VGF: variants seen among roughly 807,000 people sequenced by gnomAD.
VGF encodes the protein VGF nerve growth factor inducible.
VGF carries 13 observed loss-of-function variants against 41.1 expected under a neutral mutation model. The ratio of observed to expected loss-of-function variants is 0.32; its 90% CI spans 0.21 to 0.50. VGF has a LOEUF of 0.50. Among genes scored for constraint, VGF ranks in the 20% least tolerant of loss-of-function variants. The pLI is 0.98. For missense variants in VGF, 920 were observed against 882.1 expected (o/e 1.04, Z -0.54); for synonymous variants, 473 against 418.3 (o/e 1.13, Z -1.60).
At chr7:101,168,168 C>A (rs566330462), upstream of VGF, among the ~76,000 whole-genome samples, 5 of 152,214 alleles carry the variant, frequency 3.3e-5, no homozygotes, top group East Asian at 9.7e-4. Flanking sequence ...CACATGCCCC[C>A]ACTCCACATC....
At position 101,164,005 on chromosome 7, in the gene VGF, C is replaced by T; in HGVS notation, c.839G>A (p.Arg280His). Residue 280 changes from arginine to histidine, a missense_variant, in exon 2 of 2, where the codon CGC (arginine) becomes CAC (histidine). This residue lies in a region of VGF where 654 missense variants were observed against 638.4 expected (regional missense o/e 1.02). Coordinates refer to ENST00000249330, the MANE Select transcript of VGF (RefSeq NM_003378.4). ...GCCCAGGAGTGCGCTCTCCGGCCGG[C>T]GCGCCTTGGGGAACGGGGCGGCCAC... ...QGVAAPFPKA[R>H]RPESALLGGS... The T allele has an allele frequency of 2.7e-6, 4 of 1,470,686 alleles. No homozygotes were observed. Among genetic ancestry groups the T allele is most frequent in the Non-Finnish European group, 3.6e-6 (4 of 1,124,548 alleles). 91.1% of individuals were successfully genotyped at this position (1,470,686 alleles called of 1,614,324 possible).
At chr7:101,166,803 G>A (rs1473945976), upstream of VGF, among the ~76,000 whole-genome samples, 1 of 138,774 alleles carries the variant, frequency 7.2e-6, no homozygotes, top group Non-Finnish European at 1.6e-5. Context: ...ATGGGGAGGG[G>A]GCAGGGGAGA....
rs1279415774 is a variant in VGF at position 101,163,880 on chromosome 7, C to T, written c.964G>A (p.Glu322Lys). 1.3e-6 allele frequency: 2 copies of T among 1,491,894 alleles called. No homozygotes were observed. Among genetic ancestry groups the T allele is most frequent in the South Asian group, 1.3e-5 (1 of 78,338 alleles). The allele number at this position is 1,491,894 out of a possible 1,614,324, so 92.4% of individuals were successfully genotyped here. ...EATRQAAAQE[E>K]RLADLASDLL... is the part of the protein sequence containing the mutation. ...TCCGAGGCGAGGTCGGCCAGCCGCTCTTCCTGCGCCGCGGCCTGCCGCGTG... is the reference window on the plus strand; with the variant it reads ...TCCGAGGCGAGGTCGGCCAGCCGCTTTTCCTGCGCCGCGGCCTGCCGCGTG... Residue 322 changes from glutamate to lysine, a missense_variant, in exon 2 of 2, where the codon GAG becomes AAG. Coordinates refer to ENST00000249330, the MANE Select transcript of VGF (RefSeq NM_003378.4). The surrounding 1 kb of genome is among the most constrained non-coding windows in gnomAD (Gnocchi z 5.0).
At chr7:101,166,852 A>G (rs866538492), upstream of VGF, among the ~76,000 whole-genome samples, 802 of 88,638 alleles carry the variant, frequency 9.0e-3, 12 homozygotes, top group African/African-American at 0.034. Flanking sequence ...GCAGGAATGA[A>G]GGGGAGGGAG....
Position 101,163,527 on chromosome 7 carries a change from C to G in VGF, c.1317G>C (p.Gly439=). 1 of 1,608,968 alleles carries G rather than the reference C, an allele frequency of 6.2e-7. No individual in the cohort carries two copies. The highest frequency in any genetic ancestry group is 8.5e-7 in the Non-Finnish European group (1 of 1,177,918). ...CCATCTCCTCGTCGTCCTCCTCCTCCCCGCCCTCCTCTGTCCCCTCGGCCT... is the reference window on the plus strand; with the variant it reads ...CCATCTCCTCGTCGTCCTCCTCCTCGCCGCCCTCCTCTGTCCCCTCGGCCT... ...RKEAEGTEEG[G]EEEDDEEMDP... is the part of the protein sequence containing the mutation. Residue 439 remains glycine (G), a synonymous_variant, in exon 2 of 2, where the codon GGG becomes GGC. Coordinates refer to ENST00000249330, the MANE Select transcript of VGF (RefSeq NM_003378.4). The surrounding 1 kb of genome is among the most constrained non-coding windows in gnomAD (Gnocchi z 5.0).
chr7:101,164,228 A>G lies in VGF; in HGVS notation c.616T>C (p.Trp206Arg). The change falls in exon 2 of 2, where the codon TGG (tryptophan) becomes CGG (arginine). Residue 206 changes from tryptophan to arginine, a missense_variant. Trp to Arg is a moderately radical substitution (Grantham distance 101). Transcript: ENST00000249330. ...TGGAACTCTCCCCAGGAAGCGCGCC[A>G]TACGCGCTCTGGCCCCGGGCTCTCC... ...NLESPGPERV[W>R]RASWGEFQAR... 1 of 1,575,836 alleles carries G rather than the reference A, an allele frequency of 6.3e-7. No homozygotes were observed. The highest frequency in any genetic ancestry group is 8.6e-7 in the Non-Finnish European group (1 of 1,163,372).
In VGF at chr7:101,164,019, C is replaced by T. The variant is rs371811879; in HGVS notation, c.825G>A (p.Pro275=). The change falls in exon 2 of 2, where the codon CCG becomes CCA. Residue 275 remains proline, a synonymous_variant. Coordinates refer to ENST00000249330, the MANE Select transcript of VGF (RefSeq NM_003378.4). The part of the protein sequence containing the change: ...LSKAYQGVAA[P]FPKARRPESA... ...TCTCCGGCCGGCGCGCCTTGGGGAA[C>T]GGGGCGGCCACGCCTTGGTACGCCT... The T allele has an allele frequency of 9.5e-6, 14 of 1,478,496 alleles. No individual in the cohort carries two copies. Among genetic ancestry groups the T allele is most frequent in the Non-Finnish European group, 1.1e-5 (12 of 1,127,688 alleles). The allele number at this position is 1,478,496 out of a possible 1,614,324, so 91.6% of individuals were successfully genotyped here.
Position 101,164,333 on chromosome 7 carries a change from G to A in VGF, c.511C>T (p.Pro171Ser), listed in dbSNP as rs751597749. The change falls in exon 2 of 2, where the codon CCA becomes TCA. Residue 171 changes from proline (P) to serine (S), a missense_variant. By Grantham distance (74) the Pro-to-Ser change is moderately conservative. Transcript: ENST00000249330. The part of the protein sequence containing the change: ...SLLQELRDFS[P>S]SSAKRQQETA... ...TCCTGCTGGCGCTTGGCGCTACTTG[G>A]ACTGAAATCTCGCAGTTCCTGGAGC... 3.1e-6 allele frequency: 5 copies of A among 1,611,672 alleles called. No homozygotes were observed. The highest frequency in any genetic ancestry group is 2.2e-5 in the South Asian group (2 of 91,088).
In VGF at chr7:101,163,594, T is replaced by G; in HGVS notation, c.1250A>C (p.Asp417Ala). 6.4e-7 allele frequency: 1 copy of G among 1,563,532 alleles called. No individual in the cohort carries two copies. The highest frequency in any genetic ancestry group is 8.7e-7 in the Non-Finnish European group (1 of 1,155,332). The stretch of plus-strand genomic sequence containing the variant: ...CGGCGTCTCCTCCTGGGAGCGCTTG[T>G]CCTCGGCGCCGGCTTCCCCGTCCTC... ...EEEDGEAGAEDKRSQEETPGH... is the reference protein window; with the variant it reads ...EEEDGEAGAEAKRSQEETPGH... The change falls in exon 2 of 2, where the codon GAC becomes GCC. Residue 417 changes from aspartate to alanine, a missense_variant. By Grantham distance (126) the Asp-to-Ala change is moderately radical (BLOSUM62 -2). This residue lies in a region of VGF where 654 missense variants were observed against 638.4 expected (regional missense o/e 1.02). Transcript: ENST00000249330. The surrounding 1 kb of genome is among the most constrained non-coding windows in gnomAD (Gnocchi z 5.0).
upstream of VGF, among the ~76,000 whole-genome samples, chr7:101,166,604 A>G (rs1797223313): frequency 6.7e-6 from 1 of 150,068 alleles, no homozygotes. Context: ...CGTCAGAGAT[A>G]GCCCCTCTCT....
At chr7:101,167,413 C>T (rs1323961012), upstream of VGF, among the ~76,000 whole-genome samples, 1 of 152,142 alleles carries the variant, frequency 6.6e-6, no homozygotes, top group African/African-American at 2.4e-5. The surrounding 1 kb of genome is among the most constrained non-coding windows in gnomAD (Gnocchi z 4.2). Flanking sequence ...TAGGAGACCC[C>T]GAGGCGATGC....
chr7:101,164,442 G>C lies in VGF; in HGVS notation c.402C>G (p.Pro134=). ...GAGTCTGAGGGCGAGGCGGAGCCGCGGGCTCCGGGCTCTCCGGCGCCGGGA... is the reference window on the plus strand; with the variant it reads ...GAGTCTGAGGGCGAGGCGGAGCCGCCGGCTCCGGGCTCTCCGGCGCCGGGA... ...HSLPAPESPE[P]AAPPRPQTPE... The change falls in exon 2 of 2, where the codon CCC becomes CCG. Residue 134 remains proline (P), a synonymous_variant. Transcript: ENST00000249330. The C allele has an allele frequency of 6.2e-7, 1 of 1,604,816 alleles. No individual in the cohort carries two copies.
upstream of VGF, among the ~76,000 whole-genome samples, chr7:101,166,381 T>A (rs1299160354): frequency 6.6e-6 from 1 of 152,124 alleles, no homozygotes; most frequent in African/African-American, 2.4e-5. Context: ...GCCGCTTGTG[T>A]CAAGGCCCCC....
chr7:101,163,439 C>T lies in VGF; in HGVS notation c.1405G>A (p.Val469Met), dbSNP rs774916842. 1.2e-6 allele frequency: 2 copies of T among 1,612,342 alleles called. No individual in the cohort carries two copies. The highest frequency in any genetic ancestry group is 1.7e-6 in the Non-Finnish European group (2 of 1,179,912). The change falls in exon 2 of 2, where the codon GTG becomes ATG. Residue 469 changes from valine to methionine, a missense_variant. Val to Met is a conservative substitution (Grantham distance 21, BLOSUM62 1). Around this residue, in one of 3 missense-constraint regions of VGF, gnomAD observed 257 missense variants for 217.2 expected, o/e 1.18. Transcript: ENST00000249330. The surrounding 1 kb of genome is among the most constrained non-coding windows in gnomAD (Gnocchi z 5.0). ...TCCACCTCCTCGATGATGCTGACCA[C>T]GTCGTCCGCTGGCAGGTGGAGTTTG... ...STKLHLPADD[V>M]VSIIEEVEEK...
At position 101,164,233 on chromosome 7, in the gene VGF, C is replaced by G; in HGVS notation, c.611G>C (p.Arg204Pro). 6.3e-7 allele frequency: 1 copy of G among 1,578,052 alleles called. No individual in the cohort carries two copies. Among genetic ancestry groups the G allele is most frequent in the East Asian group, 2.3e-5 (1 of 44,272 alleles). Residue 204 changes from arginine (R) to proline (P), a missense_variant, in exon 2 of 2, where the codon CGC becomes CCC. By Grantham distance (103) the Arg-to-Pro change is moderately radical (BLOSUM62 -2). This residue lies in a region of VGF where 654 missense variants were observed against 638.4 expected (regional missense o/e 1.02). Transcript: ENST00000249330. ...RVNLESPGPERVWRASWGEFQ... is the reference protein window; with the variant it reads ...RVNLESPGPEPVWRASWGEFQ... The stretch of plus-strand genomic sequence containing the variant: ...CTCTCCCCAGGAAGCGCGCCATACG[C>G]GCTCTGGCCCCGGGCTCTCCAGATT...
intron 1 of VGF, 184 bp downstream of exon 1, chr7:101,165,190 C>G (rs929440664): frequency 2.9e-6 from 3 of 1,031,080 alleles, no homozygotes; most frequent in Middle Eastern, 4.6e-4. Context: ...CGTAGGACTC[C>G]CCGGATGGTG....
At position 101,163,567 on chromosome 7, in the gene VGF, C is replaced by T. The variant is rs1242403006; in HGVS notation, c.1277G>A (p.Gly426Asp). 6.3e-7 allele frequency: 1 copy of T among 1,583,948 alleles called. No individual in the cohort carries two copies. Residue 426 changes from glycine to aspartate, a missense_variant, in exon 2 of 2, where the codon GGC (glycine) becomes GAC (aspartate). Physicochemically the swap from Gly to Asp is moderately conservative, Grantham distance 94. This residue lies in a region of VGF where 654 missense variants were observed against 638.4 expected (regional missense o/e 1.02). Coordinates refer to ENST00000249330, the MANE Select transcript of VGF (RefSeq NM_003378.4). The surrounding 1 kb of genome is among the most constrained non-coding windows in gnomAD (Gnocchi z 5.0). ...EDKRSQEETPGHRRKEAEGTE... is the reference protein window; with the variant it reads ...EDKRSQEETPDHRRKEAEGTE... Reference sequence around the variant, plus strand: ...CCCCTCGGCCTCCTTCCGCCGGTGGCCCGGCGTCTCCTCCTGGGAGCGCTT... The same window carrying T: ...CCCCTCGGCCTCCTTCCGCCGGTGGTCCGGCGTCTCCTCCTGGGAGCGCTT...
Position 101,163,804 on chromosome 7 carries a change from C to T in VGF, c.1040G>A (p.Gly347Glu), listed in dbSNP as rs770182240. ...LQGGARQRGLGGRGLQEAAEE... is the reference protein window; with the variant it reads ...LQGGARQRGLEGRGLQEAAEE... ...CGCCGCCTCCTGCAGCCCCCGACCC[C>T]CGAGGCCGCGCTGCCGGGCCCCGCC... The change falls in exon 2 of 2, where the codon GGG (glycine) becomes GAG (glutamate). Residue 347 changes from glycine to glutamate, a missense_variant. Coordinates refer to ENST00000249330, the MANE Select transcript of VGF (RefSeq NM_003378.4). This position sits in a 1 kb window ranked among gnomAD's most constrained non-coding sequence, Gnocchi z 5.0. 6.5e-7 allele frequency: 1 copy of T among 1,534,456 alleles called. No individual in the cohort carries two copies. Among genetic ancestry groups the T allele is most frequent in the African/African-American group, 1.4e-5 (1 of 73,200 alleles).
Position 101,163,334 on chromosome 7 carries a change from G to C in VGF, c.1510C>G (p.Arg504Gly), listed in dbSNP as rs1797148143. The C allele has an allele frequency of 1.4e-6, 2 of 1,449,138 alleles. No homozygotes were observed. The highest frequency in any genetic ancestry group is 1.8e-6 in the Non-Finnish European group (2 of 1,098,192). 89.8% of individuals were successfully genotyped at this position (1,449,138 alleles called of 1,614,324 possible). A position where few individuals can be genotyped will look rare whatever the true frequency, so the allele number is the denominator to read the frequency against. The change falls in exon 2 of 2, where the codon CGC becomes GGC. Residue 504 changes from arginine (R) to glycine (G), a missense_variant. Around this residue, in one of 3 missense-constraint regions of VGF, gnomAD observed 257 missense variants for 217.2 expected, o/e 1.18. Transcript: ENST00000249330. The surrounding 1 kb of genome is among the most constrained non-coding windows in gnomAD (Gnocchi z 5.0). ...GCGGGGGGCGGGGGCTGCGGGGAGC[G>C]GACGTGGGTGGGGGCGGGGGCGGCA... ...PRAAPAPTHV[R>G]SPQPPPPAPA...
Sources: gnomAD v4.1 joint callset for allele counts (sites outside exome capture counted in the v4.1 genomes callset) on GRCh38, gnomAD v4.1.1 for gene constraint, gnomAD v4.1.1 regional missense constraint, Gnocchi (gnomAD v3.1) non-coding constraint, MANE v1.5 for transcripts, NCBI Gene and HGNC (gene_info 2026-07-23, HGNC 2026-07-21) for gene names.